Variants in MAPT observed in about 807,000 individuals in gnomAD.
MAPT encodes microtubule associated protein tau, also known as microtubule-associated protein tau.
MAPT carries 34 observed loss-of-function variants against 67.9 expected under a neutral mutation model. That is an observed-to-expected ratio of 0.50 (90% CI 0.38 to 0.67). The LOEUF (loss-of-function observed/expected upper bound fraction) is 0.67, where lower values mean the gene tolerates loss of function less well. Among genes scored for constraint, MAPT ranks in the 30% least tolerant of loss-of-function variants. MAPT has a pLI of 0.00. For synonymous variants in MAPT, 456 were observed against 464.5 expected, an observed-to-expected ratio of 0.98 and a Z score of 0.23; for missense variants, 881 against 1,115.2, an observed-to-expected ratio of 0.79 and a Z score of 2.99.
chr17:45,904,329 T>TTATATATTATA (rs1258342764), intron 1 of MAPT, among the ~76,000 whole-genome samples: 1 of 62,232 alleles, frequency 1.6e-5, no homozygotes, highest in Admixed American at 2.9e-4. Context: ...ATAATATATA[T>TTATATATTATA]TATATATTAT....
chr17:46,024,573 C>G lies in MAPT; in HGVS notation c.*402C>G. On this transcript the variant is annotated 3_prime_UTR_variant, in exon 13 of 13. Coordinates refer to ENST00000262410, the MANE Select transcript of MAPT (RefSeq NM_001377265.1). ...ACTGGGGGTGCCAACCACCTCTGGC[C>G]CTGTTGTGGGGGTGTCACAGAGGCA... 3.0e-6 allele frequency: 1 copy of G among 330,146 alleles called. No individual in the cohort carries two copies. Among genetic ancestry groups the G allele is most frequent in the Non-Finnish European group, 5.8e-6 (1 of 171,600 alleles). The allele number at this position is 330,146 out of a possible 1,614,324, so 20.5% of individuals were successfully genotyped here.
intron 1 of MAPT, among the ~76,000 whole-genome samples, chr17:45,917,696 A>G (rs914482852): frequency 1.7e-4 from 26 of 152,142 alleles, no homozygotes; most frequent in East Asian, 1.9e-4. Context: ...CTGTATGGGA[A>G]GGGGCTGTAG....
chr17:45,968,866 C>G (rs1001089756), intron 2 of MAPT, among the ~76,000 whole-genome samples: 3 of 152,204 alleles, frequency 2.0e-5, no homozygotes, highest in Admixed American at 2.0e-4. Flanking sequence ...GTACAAAGTG[C>G]TTTAAATAAG....
chr17:45,940,482 T>C (rs977945679), intron 1 of MAPT, among the ~76,000 whole-genome samples: 3 of 152,180 alleles, frequency 2.0e-5, no homozygotes, highest in Admixed American at 2.0e-4. Flanking sequence ...CTACACAGAG[T>C]AAGCACTCAA....
At position 45,991,582 on chromosome 17, in the gene MAPT, C is replaced by T; in HGVS notation, c.1728C>T (p.Ser576=). Reference sequence around the variant, plus strand: ...CGCCCGCTCCAAAGACACCACCCAGCTCTGGTAAGAAGAACGTTCTCTTGA... The same window carrying T: ...CGCCCGCTCCAAAGACACCACCCAGTTCTGGTAAGAAGAACGTTCTCTTGA... ...KTPPAPKTPP[S]SGEPPKSGDR... Residue 576 remains serine (S), a synonymous_variant, in exon 8 of 13, where the codon AGC becomes AGT. Transcript: ENST00000262410. The T allele has an allele frequency of 6.2e-7, 1 of 1,614,120 alleles. No homozygotes were observed. Among genetic ancestry groups the T allele is most frequent in the South Asian group, 1.1e-5 (1 of 91,080 alleles).
intron 1 of MAPT, among the ~76,000 whole-genome samples, chr17:45,902,931 G>T (rs1360799776): frequency 6.6e-6 from 1 of 152,168 alleles, no homozygotes; most frequent in East Asian, 1.9e-4. Flanking sequence ...AGTCCCAGCT[G>T]CTGGTTTTCC....
chr17:46,007,314 A>G (rs1376812718), intron 9 of MAPT, among the ~76,000 whole-genome samples: 3 of 151,918 alleles, frequency 2.0e-5, no homozygotes, highest in Non-Finnish European at 1.5e-5. Flanking sequence ...GCGAGACCCC[A>G]TCATCACAAA....
chr17:46,021,091 A>G (rs1208108344), intron 12 of MAPT, among the ~76,000 whole-genome samples: 1 of 152,172 alleles, frequency 6.6e-6, no homozygotes, highest in African/African-American at 2.4e-5. Flanking sequence ...ATTTGTGATT[A>G]ATGTCTAACA....
chr17:45,918,636 G>A (rs547386959), intron 1 of MAPT, among the ~76,000 whole-genome samples: 1 of 152,338 alleles, frequency 6.6e-6, no homozygotes, highest in East Asian at 1.9e-4. Context: ...TGAGCTTCCT[G>A]TAGGGCAGGT....
chr17:45,914,672 C>T (rs1486142875), intron 1 of MAPT, among the ~76,000 whole-genome samples: 2 of 151,896 alleles, frequency 1.3e-5, no homozygotes, highest in East Asian at 1.9e-4. Flanking sequence ...ATGTCATTTC[C>T]ATTTCTCTAC....
chr17:45,941,461 C>T (rs914552540), intron 1 of MAPT, among the ~76,000 whole-genome samples: 2 of 152,064 alleles, frequency 1.3e-5, no homozygotes. Flanking sequence ...GAGACCCCTC[C>T]TTCCCCCTGC....
intron 3 of MAPT, chr17:45,977,228 C>A (rs2072467587): frequency 6.6e-6 from 1 of 152,310 alleles, no homozygotes; most frequent in Non-Finnish European, 1.5e-5. Flanking sequence ...TACCACATGG[C>A]TTCCAGGAAA....
chr17:45,984,025 C>G, intron 5 of MAPT, 95 bp downstream of exon 5: 1 of 1,061,066 alleles, frequency 9.4e-7, no homozygotes, highest in Non-Finnish European at 1.4e-6. Flanking sequence ...CTCCCGACTC[C>G]TGCTGCTTCT....
chr17:45,949,131 A>G (rs886288798), intron 1 of MAPT, among the ~76,000 whole-genome samples: 3 of 152,240 alleles, frequency 2.0e-5, no homozygotes, highest in Admixed American at 6.5e-5. Context: ...CTGAAGGGAT[A>G]AGGAGGACCA....
intron 1 of MAPT, among the ~76,000 whole-genome samples, chr17:45,923,598 T>C (rs1252728353): frequency 6.6e-6 from 1 of 152,262 alleles, no homozygotes; most frequent in East Asian, 1.9e-4. Context: ...ATGCAGCTAT[T>C]CATTGACTCA....
Position 45,983,967 on chromosome 17 carries a change from A to ACCTCCCAGG in MAPT, c.1351+48_1351+56dup. On this transcript the variant is annotated intron_variant, in intron 5 of 12. Transcript: ENST00000262410. ...GAGCTTCTTCGCTCCTTCCCTGGGGACCTCCCAGGCCTCCCAGGCTGCGGG... is the reference window on the plus strand; with the variant it reads ...GAGCTTCTTCGCTCCTTCCCTGGGGACCTCCCAGGCCTCCCAGGCCTCCCAGGCTGCGGG... The ACCTCCCAGG allele has an allele frequency of 4.1e-6, 6 of 1,476,780 alleles. No individual in the cohort carries two copies. In the South Asian group the frequency reaches 5.5e-5, roughly 14 times the overall value. 91.5% of individuals were successfully genotyped at this position (1,476,780 alleles called of 1,614,324 possible).
At chr17:45,956,031 T>C (rs1180787567) in intron 1 of MAPT, among the ~76,000 whole-genome samples, 1 of 152,176 alleles carries the variant, frequency 6.6e-6, no homozygotes, top group African/African-American at 2.4e-5. Flanking sequence ...CCATGGGGCC[T>C]AGCCTCCTTC....
At chr17:46,019,896 C>T (rs1568341646) in intron 12 of MAPT, among the ~76,000 whole-genome samples, 1 of 151,612 alleles carries the variant, frequency 6.6e-6, no homozygotes, top group Non-Finnish European at 1.5e-5. Context: ...CCTGTAATCC[C>T]AGCTACTTGG....
rs1268945535 is a variant in MAPT at position 46,024,233 on chromosome 17, AAG to A, written c.*64_*65del. ...GAGAATGAGAGAGTGTGGAAAAAAA[AAG>A]AATAATGACCCGGCCCCCGCCCTCT... On this transcript the variant is annotated 3_prime_UTR_variant, in exon 13 of 13. Coordinates refer to ENST00000262410, the MANE Select transcript of MAPT (RefSeq NM_001377265.1). 2 of 1,478,432 alleles carry A rather than the reference AAG, an allele frequency of 1.4e-6. No individual in the cohort carries two copies. The highest frequency in any genetic ancestry group is 2.8e-5 in the African/African-American group (2 of 72,234). 91.6% of individuals were successfully genotyped at this position (1,478,432 alleles called of 1,614,324 possible). A position where few individuals can be genotyped will look rare whatever the true frequency, so the allele number is the denominator to read the frequency against.
Sources: gnomAD v4.1 joint callset for allele counts (sites outside exome capture counted in the v4.1 genomes callset) on GRCh38, gnomAD v4.1.1 for gene constraint, MANE v1.5 for transcripts, NCBI Gene and HGNC (gene_info 2026-07-23, HGNC 2026-07-21) for gene names.